Variants in HPS1 observed in about 807,000 individuals in gnomAD.
The protein encoded by HPS1 is BLOC-3 complex member HPS1.
HPS1 carries 59 observed loss-of-function variants against 90.6 expected under a neutral mutation model. The observed-to-expected ratio is 0.65, with a 90% CI of 0.53 to 0.81. The LOEUF (loss-of-function observed/expected upper bound fraction) is 0.81. Ranked by LOEUF, HPS1 falls within the 30% of genes least tolerant of loss-of-function variation. HPS1 has a pLI of 0.00. For missense variants in HPS1, 849 were observed against 896.7 expected, an observed-to-expected ratio of 0.95 and a Z score of 0.68; for synonymous variants, 388 against 384.4, an observed-to-expected ratio of 1.01 and a Z score of -0.11.
At chr10:98,446,245 C>T (rs77762334) in intron 1 of HPS1, among the ~76,000 whole-genome samples, 113 of 152,270 alleles carry the variant, frequency 7.4e-4, no homozygotes, top group Non-Finnish European at 1.3e-3. Flanking sequence ...ATGATTGGCC[C>T]GAATGCCATA....
chr10:98,430,949 G>A (rs1257746762), intron 7 of HPS1, among the ~76,000 whole-genome samples, 182 bp downstream of exon 7: 1 of 152,226 alleles, frequency 6.6e-6, no homozygotes, highest in Admixed American at 6.5e-5. Context: ...AGTGTTCCAG[G>A]AAGGAATGAT....
At chr10:98,430,099 G>T (rs1846216716) in intron 8 of HPS1, among the ~76,000 whole-genome samples, 1 of 152,144 alleles carries the variant, frequency 6.6e-6, no homozygotes, top group African/African-American at 2.4e-5. Flanking sequence ...CAACACAATG[G>T]TATCCAACCC....
chr10:98,441,666 A>C (rs1938445765), intron 3 of HPS1, among the ~76,000 whole-genome samples: 1 of 152,258 alleles, frequency 6.6e-6, no homozygotes, highest in Non-Finnish European at 1.5e-5. Context: ...CTCAGTAAGA[A>C]TAAGAAGAAG....
At chr10:98,418,298 T>G in intron 18 of HPS1, 41 bp from the exon 19 acceptor site, 3 of 1,204,282 alleles carry the variant, frequency 2.5e-6, no homozygotes, top group Non-Finnish European at 2.4e-6. Context: ...GTGGGGGTAG[T>G]GCAAGGGCCT....
At chr10:98,420,952 G>C (rs1284219549) in intron 17 of HPS1, among the ~76,000 whole-genome samples, 3 of 152,158 alleles carry the variant, frequency 2.0e-5, no homozygotes, top group Non-Finnish European at 2.9e-5. Flanking sequence ...GTTCACCAAG[G>C]GGTCAGATGG....
Position 98,435,680 on chromosome 10 carries a change from G to T in HPS1, c.210C>A (p.Thr70=). The T allele has an allele frequency of 6.2e-7, 1 of 1,614,196 alleles. No individual in the cohort carries two copies. The highest frequency in any genetic ancestry group is 8.5e-7 in the Non-Finnish European group (1 of 1,180,032). ...TMLEKLSDTY[T]CFSTENGNFL... ...AGTTGCCATTTTCCGTGGAGAAGCA[G>T]GTGTAGGTGTCCGAGAGCTTCTCCA... The change falls in exon 4 of 20, where the codon ACC becomes ACA. Residue 70 remains threonine, a synonymous_variant. Coordinates refer to ENST00000361490, the MANE Select transcript of HPS1 (RefSeq NM_000195.5). This position sits in a 1 kb window ranked among gnomAD's most constrained non-coding sequence, Gnocchi z 4.3.
At chr10:98,430,759 G>A (rs1002062010) in intron 7 of HPS1, 89 bp from the exon 8 acceptor site, 38 of 1,043,408 alleles carry the variant, frequency 3.6e-5, no homozygotes, top group Non-Finnish European at 5.3e-5. Context: ...CCTGGCCCCT[G>A]CCCTCAAGGA....
Position 98,427,229 on chromosome 10 carries a change from TG to T in HPS1, c.972del (p.Met325TrpfsTer6), listed in dbSNP as rs281865082. 5.3e-5 allele frequency: 82 copies of T among 1,535,616 alleles called. No individual in the cohort carries two copies. The highest frequency in any genetic ancestry group is 1.9e-4 in the African/African-American group (14 of 72,552). On this transcript the variant is annotated frameshift_variant, in exon 11 of 20. Coordinates refer to ENST00000361490, the MANE Select transcript of HPS1 (RefSeq NM_000195.5). LOFTEE classifies it high-confidence loss of function. ...GAGAAACTCACCTGAAGGGCATCCA[TG>T]GGGGGGGTGCCCCCCTCCAGCCAGA... ...STIWLEGGTP[P>X]MDALQIAEDT...
At position 98,425,916 on chromosome 10, in the gene HPS1, G is replaced by A. The variant is rs200850713; in HGVS notation, c.1057C>T (p.Leu353=). ...TAGCTTTCCTTCACGTTGGCATCCA[G>A]GAAGATCCTTCTGGGGCCGGAAGGC... ...PVPSGPRRIF[L]DANVKESYCP... Residue 353 remains leucine, a synonymous_variant, in exon 12 of 20, where the codon CTG becomes TTG. Transcript: ENST00000361490. The A allele has an allele frequency of 2.7e-5, 44 of 1,614,182 alleles. No individual in the cohort carries two copies. The South Asian group carries it at 4.4e-4, about 16-fold the overall frequency.
chr10:98,443,211 G>A lies in HPS1; in HGVS notation c.30C>T (p.Gly10=), dbSNP rs550478432. 1.4e-5 allele frequency: 22 copies of A among 1,613,924 alleles called. No individual in the cohort carries two copies. Among genetic ancestry groups the A allele is most frequent in the Middle Eastern group, 1.6e-4 (1 of 6,062 alleles). Residue 10 remains glycine, a synonymous_variant, in exon 3 of 20, where the codon GGC becomes GGT. Transcript: ENST00000361490. ...CTGTCCAGTAGAAGAGGACCTCTGC[G>A]CCCTCAGTGGCCACCAAGACGCACT... MKCVLVATE[G]AEVLFYWTDQ... is the part of the protein sequence containing the mutation.
intron 16 of HPS1, 102 bp from the exon 17 acceptor site, chr10:98,422,615 G>A: frequency 8.4e-7 from 1 of 1,186,416 alleles, no homozygotes; most frequent in Non-Finnish European, 1.3e-6. Context: ...GGAGGGCCAG[G>A]ACTGCCTCTT....
At chr10:98,432,002 A>G (rs769825824) in intron 6 of HPS1, among the ~76,000 whole-genome samples, 1 of 152,224 alleles carries the variant, frequency 6.6e-6, no homozygotes, top group Non-Finnish European at 1.5e-5. Context: ...AATTTGCACT[A>G]GTTATATTTC....
At chr10:98,414,095 A>G (rs1843883570), downstream of HPS1, 1 of 151,766 alleles carries the variant, frequency 6.6e-6, no homozygotes, top group South Asian at 2.1e-4. Context: ...GTATATATAC[A>G]TATATATACA....
chr10:98,435,864 C>T lies in HPS1; in HGVS notation c.118-92G>A. ...AGATCAGGCCTTGATATCAAGGGTTCCATAGTGTTAGACCCTCCTGGGAGG... is the reference window on the plus strand; with the variant it reads ...AGATCAGGCCTTGATATCAAGGGTTTCATAGTGTTAGACCCTCCTGGGAGG... On this transcript the variant is annotated intron_variant, in intron 3 of 19. Transcript: ENST00000361490. This position sits in a 1 kb window ranked among gnomAD's most constrained non-coding sequence, Gnocchi z 4.3. 1 of 1,539,878 alleles carries T rather than the reference C, an allele frequency of 6.5e-7. No homozygotes were observed.
At chr10:98,430,885 G>C (rs1846349975) in intron 7 of HPS1, among the ~76,000 whole-genome samples, 1 of 152,220 alleles carries the variant, frequency 6.6e-6, no homozygotes, top group Non-Finnish European at 1.5e-5. Context: ...CAGTGGGAAA[G>C]CACCAGGGAC....
intron 18 of HPS1, among the ~76,000 whole-genome samples, chr10:98,419,513 T>C (rs531663283): frequency 9.2e-5 from 14 of 152,018 alleles, no homozygotes; most frequent in Admixed American, 1.3e-4. Flanking sequence ...ACAATGATAG[T>C]AAGCTCCCCC....
intron 10 of HPS1, 97 bp downstream of exon 10, chr10:98,429,476 G>A: frequency 1.2e-6 from 2 of 1,602,194 alleles, no homozygotes. Flanking sequence ...CAAGCCTTAG[G>A]AGGCACGGGG....
chr10:98,420,268 G>A (rs1210782238), intron 17 of HPS1, 110 bp from the exon 18 acceptor site: 1 of 793,022 alleles, frequency 1.3e-6, no homozygotes, highest in East Asian at 2.5e-5. Flanking sequence ...TGAGTGCCAG[G>A]GGCCTCTCCT....
chr10:98,437,738 A>G (rs1000681206), intron 3 of HPS1, among the ~76,000 whole-genome samples: 4 of 152,236 alleles, frequency 2.6e-5, no homozygotes, highest in Admixed American at 1.3e-4. Flanking sequence ...ATGTATCACC[A>G]TCATTAAGCA....
Sources: allele counts gnomAD v4.1 joint callset (sites outside exome capture counted in the v4.1 genomes callset), GRCh38; gene constraint gnomAD v4.1.1; non-coding constraint Gnocchi (gnomAD v3.1); transcripts MANE v1.5; gene names NCBI Gene and HGNC (gene_info 2026-07-23, HGNC 2026-07-21).